VWF: variants seen among roughly 807,000 people sequenced by gnomAD.
VWF encodes von Willebrand factor.
In VWF, 176 loss-of-function variants were observed where a neutral mutation model predicts 308.6. That is an observed-to-expected ratio of 0.57 (90% CI 0.50 to 0.65). The LOEUF is 0.65. Among genes scored for constraint, VWF ranks in the 30% least tolerant of loss-of-function variants. The pLI, the probability that VWF is intolerant of heterozygous loss-of-function variation, is 0.00. For missense variants in VWF, 3,146 were observed against 3,648.2 expected, an observed-to-expected ratio of 0.86 and a Z score of 3.55; for synonymous variants, 1,385 against 1,443.4, an observed-to-expected ratio of 0.96 and a Z score of 0.92.
intron 3 of VWF, 24 bp from the exon 4 acceptor site, chr12:6,110,992 T>G: frequency 1.3e-6 from 2 of 1,570,230 alleles, no homozygotes; most frequent in Non-Finnish European, 1.8e-6. Flanking sequence ...AAGTCAATAG[T>G]AGTGATTATT....
chr12:5,996,920 A>G lies in VWF; in HGVS notation c.5843-698T>C, dbSNP rs537967806. Among the ~76,000 whole-genome samples the G allele has an allele frequency of 1.7e-3, 260 of 152,264 alleles. 1 individual carries two copies. Among genetic ancestry groups the G allele is most frequent in the African/African-American group, 4.3e-3 (177 of 41,564 alleles). On this transcript the variant is annotated intron_variant, in intron 34 of 51. Coordinates refer to ENST00000261405, the MANE Select transcript of VWF (RefSeq NM_000552.5). ...TGGTAAAAATCCTCACATTGAAGGC[A>G]CCACCACCATAAATGATTTGAAAGC...
chr12:6,025,191 A>G (rs11611919), intron 24 of VWF, among the ~76,000 whole-genome samples: 43,273 of 152,064 alleles, frequency 0.28, 6,990 homozygotes, highest in African/African-American at 0.43. Context: ...AAGGGGTTTT[A>G]GGGGGTGGGA....
chr12:5,971,775 G>C, intron 43 of VWF, 66 bp from the exon 44 acceptor site: 1 of 1,373,864 alleles, frequency 7.3e-7, no homozygotes. Context: ...TCTTACCTAC[G>C]CCTCCTGCGT....
chr12:5,981,285 T>A (rs1943602471), intron 42 of VWF, among the ~76,000 whole-genome samples: 2 of 152,100 alleles, frequency 1.3e-5, no homozygotes, highest in South Asian at 4.1e-4. Flanking sequence ...TCTCACCTAC[T>A]CGTGAGGCAG....
chr12:5,983,158 A>T lies in VWF; in HGVS notation c.7073T>A (p.Phe2358Tyr), dbSNP rs1943627714. ...LTNPGECRPN[F>Y]TCACRKEECK... ...ATCCACAGAGGCCTTACCGCAGGTG[A>T]AGTTGGGTCTGCACTCGCCAGGGTT... The change falls in exon 41 of 52, where the codon TTC (phenylalanine) becomes TAC (tyrosine). Residue 2358 changes from phenylalanine (F) to tyrosine (Y), a missense_variant. Phe to Tyr is a conservative substitution (Grantham distance 22). Around this residue, in one of 3 missense-constraint regions of VWF, gnomAD observed 989 missense variants for 1,117.4 expected, o/e 0.89. Transcript: ENST00000261405. The T allele has an allele frequency of 6.2e-7, 1 of 1,613,700 alleles. No homozygotes were observed.
intron 33 of VWF, 31 bp from the exon 34 acceptor site, chr12:6,011,825 G>A (rs1943998327): frequency 6.5e-7 from 1 of 1,540,724 alleles, no homozygotes; most frequent in Non-Finnish European, 9.0e-7. Flanking sequence ...TTCAGGCAGG[G>A]AATAAGATGA....
chr12:6,084,637 A>T (rs150202772), intron 6 of VWF, among the ~76,000 whole-genome samples: 2 of 152,262 alleles, frequency 1.3e-5, no homozygotes, highest in African/African-American at 4.8e-5. Flanking sequence ...CAAGCAGCTG[A>T]CAAAGGAGAA....
intron 3 of VWF, among the ~76,000 whole-genome samples, chr12:6,118,006 G>A (rs1945388069): frequency 6.6e-6 from 1 of 152,200 alleles, no homozygotes; most frequent in African/African-American, 2.4e-5. Context: ...AGCACGAGTT[G>A]ATGAGCCCAG....
chr12:5,984,017 T>C (rs112652289), intron 40 of VWF, among the ~76,000 whole-genome samples: 11,430 of 134,584 alleles, frequency 0.085, 643 homozygotes, highest in East Asian at 0.26. Context: ...GATAGATAGA[T>C]AGACAGACAG....
intron 35 of VWF, 24 bp downstream of exon 35, chr12:5,995,978 G>A (rs1285891453): frequency 1.7e-5 from 27 of 1,608,072 alleles, no homozygotes; most frequent in Middle Eastern, 2.2e-4. Flanking sequence ...GCCTTACCAC[G>A]GATCCACAGA....
chr12:6,039,876 A>G (rs935877920), intron 18 of VWF, among the ~76,000 whole-genome samples: 1 of 152,102 alleles, frequency 6.6e-6, no homozygotes, highest in African/African-American at 2.4e-5. Flanking sequence ...CGCCACCAAG[A>G]GGCTCCTAAT....
At chr12:6,047,611 C>T (rs1415140731) in intron 16 of VWF, among the ~76,000 whole-genome samples, 1 of 152,240 alleles carries the variant, frequency 6.6e-6, no homozygotes, top group African/African-American at 2.4e-5. Context: ...GACCTCTTGC[C>T]TGGACTATGT....
At chr12:6,062,635 C>A in intron 13 of VWF, among the ~76,000 whole-genome samples, 1 of 152,146 alleles carries the variant, frequency 6.6e-6, no homozygotes, top group Non-Finnish European at 1.5e-5. Flanking sequence ...AGGGAGACAC[C>A]CCTGCTCCCG....
At chr12:6,056,510 A>T (rs997542700) in intron 15 of VWF, among the ~76,000 whole-genome samples, 3 of 152,042 alleles carry the variant, frequency 2.0e-5, no homozygotes, top group African/African-American at 7.2e-5. Context: ...GGGATCTGGG[A>T]CCCATTCGCT....
intron 49 of VWF, 117 bp downstream of exon 49, chr12:5,952,274 G>T: frequency 7.2e-7 from 1 of 1,396,636 alleles, no homozygotes; most frequent in Non-Finnish European, 1.0e-6. Flanking sequence ...CTTCAACTAG[G>T]CCAGAGATGT....
chr12:6,006,042 C>T (rs1421389867), intron 34 of VWF, among the ~76,000 whole-genome samples: 1 of 152,060 alleles, frequency 6.6e-6, no homozygotes, highest in Non-Finnish European at 1.5e-5. Flanking sequence ...ATAAAAATAA[C>T]TATCACTATA....
rs1943997123 is a variant in VWF at position 6,011,718 on chromosome 12, C to T, written c.5741G>A (p.Ser1914Asn). Reference sequence around the variant, plus strand: ...CCCCCGGTCACAGTTGACCCGATGACTCTTCAGCAAGGTCTGGCCATCTGG... The same window carrying T: ...CCCCCGGTCACAGTTGACCCGATGATTCTTCAGCAAGGTCTGGCCATCTGG... ...CQPDGQTLLK[S>N]HRVNCDRGLR... Residue 1914 changes from serine to asparagine, a missense_variant, in exon 34 of 52, where the codon AGT becomes AAT. Coordinates refer to ENST00000261405, the MANE Select transcript of VWF (RefSeq NM_000552.5). The T allele has an allele frequency of 6.2e-7, 1 of 1,613,766 alleles. No homozygotes were observed. Among genetic ancestry groups the T allele is most frequent in the African/African-American group, 1.3e-5 (1 of 74,912 alleles).
chr12:5,949,976 T>C (rs945721815), intron 50 of VWF, 93 bp from the exon 51 acceptor site: 1 of 1,148,804 alleles, frequency 8.7e-7, no homozygotes. Flanking sequence ...TGGAAATAGG[T>C]CCCTTTCACA....
chr12:6,067,320 T>C (rs1476224763), intron 10 of VWF, among the ~76,000 whole-genome samples: 1 of 152,238 alleles, frequency 6.6e-6, no homozygotes, highest in Non-Finnish European at 1.5e-5. Context: ...GTGGGAATTC[T>C]TCCCCCTGCC....
Sources: gnomAD v4.1 joint callset for allele counts (sites outside exome capture counted in the v4.1 genomes callset) on GRCh38, gnomAD v4.1.1 for gene constraint, gnomAD v4.1.1 regional missense constraint, MANE v1.5 for transcripts, NCBI Gene and HGNC (gene_info 2026-07-23, HGNC 2026-07-21) for gene names.